The following COMMD6 variants were observed in gnomAD, a reference collection of about 807,000 sequenced individuals.
The protein encoded by COMMD6 is COMM domain containing 6.
Under a neutral mutation model 13.4 loss-of-function variants are expected in COMMD6, and 11 were observed. That is an observed-to-expected ratio of 0.82 (90% CI 0.52 to 1.36). The LOEUF is 1.36. Ranked by LOEUF, COMMD6 falls within the 40% of genes most tolerant of loss-of-function variation. The pLI is 0.00. For synonymous variants in COMMD6, 43 were observed against 36.5 expected (o/e 1.18, Z -0.64); for missense variants, 124 against 102.4 (o/e 1.21, Z -0.91).
intron 2 of COMMD6, chr13:75,537,458 G>A (rs2138424374): frequency 1.3e-6 from 2 of 1,551,668 alleles, no homozygotes; most frequent in African/African-American, 1.4e-5. Flanking sequence ...GGCTAGTGCA[G>A]GGTGGGGAAG....
intron 1 of COMMD6, among the ~76,000 whole-genome samples, chr13:75,545,064 C>T (rs1353838636): frequency 6.6e-6 from 1 of 152,084 alleles, no homozygotes; most frequent in Non-Finnish European, 1.5e-5. Context: ...TTACGTAAGG[C>T]ATTGGTATGT....
At position 75,530,395 on chromosome 13, in the gene COMMD6, T is replaced by C. The variant is rs1223816243; in HGVS notation, c.55-129A>G. ...CTGGTCATATTTACATAAAGTATCT[T>C]CATTTTAATACTGCTAGAGGAACAA... On this transcript the variant is annotated intron_variant, in intron 2 of 3. Transcript: ENST00000682242. The C allele has an allele frequency of 4.9e-6, 3 of 617,894 alleles. No homozygotes were observed. In the East Asian group the frequency reaches 8.5e-5, roughly 18 times the overall value. The allele number at this position is 617,894 out of a possible 1,614,324, so 38.3% of individuals were successfully genotyped here.
intron 3 of COMMD6, among the ~76,000 whole-genome samples, chr13:75,526,882 C>A (rs1185654409): frequency 1.1e-4 from 16 of 152,106 alleles, no homozygotes; most frequent in Admixed American, 9.8e-4. Flanking sequence ...ATGAGAAAGT[C>A]CTTTTAAGAT....
upstream of COMMD6, among the ~76,000 whole-genome samples, chr13:75,540,559 T>G (rs1284973029): frequency 6.6e-6 from 1 of 151,212 alleles, no homozygotes; most frequent in African/African-American, 2.5e-5. Context: ...TAAAATGTCA[T>G]TAGAGTTTAG....
intron 1 of COMMD6, among the ~76,000 whole-genome samples, chr13:75,545,552 G>A (rs995293731): frequency 6.6e-6 from 1 of 151,410 alleles, no homozygotes; most frequent in African/African-American, 2.4e-5. Context: ...TGCTCACTGC[G>A]AGCTCCGCCT....
chr13:75,527,142 T>C (rs1015782715), intron 3 of COMMD6, among the ~76,000 whole-genome samples: 2 of 152,350 alleles, frequency 1.3e-5, no homozygotes, highest in Middle Eastern at 3.4e-3. Context: ...GGTTCTCCTA[T>C]AGAAGTCATC....
At chr13:75,545,801 A>G (rs2030897286) in intron 1 of COMMD6, among the ~76,000 whole-genome samples, 1 of 152,094 alleles carries the variant, frequency 6.6e-6, no homozygotes, top group South Asian at 2.1e-4. Flanking sequence ...ATAGTTAATC[A>G]GGGTAGTAGT....
At chr13:75,535,352 C>T (rs1035012163) in intron 2 of COMMD6, among the ~76,000 whole-genome samples, 8 of 152,168 alleles carry the variant, frequency 5.3e-5, no homozygotes, top group Non-Finnish European at 1.2e-4. Context: ...CTCTGAGTAG[C>T]GGAGATACCT....
intron 2 of COMMD6, 147 bp downstream of exon 2, chr13:75,537,512 AAAGAG>A (rs2030713565): frequency 1.3e-6 from 2 of 1,566,472 alleles, no homozygotes; most frequent in Non-Finnish European, 1.7e-6. Context: ...CTCAGGTGCA[AAAGAG>A]AAGGAGCAAT....
At chr13:75,529,659 T>C (rs2030400875) in intron 3 of COMMD6, 1 of 152,980 alleles carries the variant, frequency 6.5e-6, no homozygotes, top group Non-Finnish European at 1.5e-5. Flanking sequence ...GTTACTTAAG[T>C]CCCTAGCTGA....
chr13:75,538,417 GT>G (rs1250137233), upstream of COMMD6, among the ~76,000 whole-genome samples: 1 of 152,134 alleles, frequency 6.6e-6, no homozygotes, highest in African/African-American at 2.4e-5. Context: ...CCACAGTGAT[GT>G]TTTTTCCCCG....
intron 3 of COMMD6, among the ~76,000 whole-genome samples, chr13:75,527,362 T>C (rs1252705401): frequency 1.3e-5 from 2 of 152,234 alleles, no homozygotes; most frequent in Non-Finnish European, 2.9e-5. Flanking sequence ...TTAATTTATA[T>C]GCAAATTTGT....
At chr13:75,526,907 T>A (rs2030283195) in intron 3 of COMMD6, among the ~76,000 whole-genome samples, 1 of 152,174 alleles carries the variant, frequency 6.6e-6, no homozygotes, top group East Asian at 1.9e-4. Flanking sequence ...CCAGATTTAT[T>A]AAATACTCAG....
At chr13:75,536,995 A>C (rs2030685700) in intron 2 of COMMD6, among the ~76,000 whole-genome samples, 1 of 152,190 alleles carries the variant, frequency 6.6e-6, no homozygotes, top group South Asian at 2.1e-4. Flanking sequence ...GTTAGAGAAA[A>C]ATGACAGACA....
At chr13:75,544,121 G>T (rs549221839) in intron 1 of COMMD6, among the ~76,000 whole-genome samples, 2 of 151,894 alleles carry the variant, frequency 1.3e-5, no homozygotes, top group Admixed American at 6.6e-5. Context: ...GTGGTGGGTG[G>T]GGGGGAGGTG....
At chr13:75,546,332 A>T (rs1009802649) in intron 1 of COMMD6, among the ~76,000 whole-genome samples, 80 of 152,212 alleles carry the variant, frequency 5.3e-4, no homozygotes, top group African/African-American at 1.8e-3. Context: ...AAGTAACCAA[A>T]TAATTTACAA....
intron 2 of COMMD6, among the ~76,000 whole-genome samples, chr13:75,534,200 T>C (rs1248721945): frequency 2.0e-5 from 3 of 152,170 alleles, no homozygotes; most frequent in African/African-American, 4.8e-5. Flanking sequence ...ACCATCAACA[T>C]TAAAGTGGCA....
intron 3 of COMMD6, chr13:75,527,875 A>G (rs984281614): frequency 8.0e-6 from 12 of 1,500,508 alleles, no homozygotes; most frequent in Non-Finnish European, 4.5e-6. Context: ...GGGAAATGTT[A>G]GTAAAAAGGT....
At chr13:75,535,598 G>C (rs1188520741) in intron 2 of COMMD6, among the ~76,000 whole-genome samples, 1 of 152,218 alleles carries the variant, frequency 6.6e-6, no homozygotes, top group South Asian at 2.1e-4. Flanking sequence ...GTCGATTTCA[G>C]TTTAGGCACT....
Sources: gnomAD v4.1 joint callset for allele counts (sites outside exome capture counted in the v4.1 genomes callset) on GRCh38, gnomAD v4.1.1 for gene constraint, MANE v1.5 for transcripts, NCBI Gene and HGNC (gene_info 2026-07-23, HGNC 2026-07-21) for gene names.